Variants in NR3C2 observed in about 807,000 individuals in gnomAD.
NR3C2 encodes mineralocorticoid receptor.
Under a neutral mutation model 86.4 loss-of-function variants are expected in NR3C2, and 15 were observed. That is an observed-to-expected ratio of 0.17 (90% CI 0.12 to 0.27). The LOEUF (loss-of-function observed/expected upper bound fraction) is 0.27. NR3C2 is among the 10% of genes least tolerant of loss of function. The pLI is 1.00. For missense variants in NR3C2, 960 were observed against 1,195.6 expected (o/e 0.80, Z 2.91); for synonymous variants, 458 against 450.5 (o/e 1.02, Z -0.21).
intron 7 of NR3C2, 63 bp downstream of exon 7, chr4:148,120,095 A>G: frequency 6.2e-7 from 1 of 1,603,552 alleles, no homozygotes; most frequent in Non-Finnish European, 8.5e-7. Context: ...TAAATAGCCT[A>G]CTGCCCTATG....
chr4:148,225,916 C>A (rs1428732356), intron 3 of NR3C2, among the ~76,000 whole-genome samples: 1 of 152,054 alleles, frequency 6.6e-6, no homozygotes, highest in Non-Finnish European at 1.5e-5. Flanking sequence ...TCATAAATGT[C>A]CTATCTTTAC....
intron 2 of NR3C2, among the ~76,000 whole-genome samples, chr4:148,318,201 G>C (rs959199181): frequency 7.9e-5 from 12 of 151,368 alleles, no homozygotes; most frequent in Non-Finnish European, 2.9e-5. Flanking sequence ...CAAAGGACAT[G>C]AACTCATCAT....
intron 6 of NR3C2, among the ~76,000 whole-genome samples, chr4:148,121,988 T>C (rs558803195): frequency 1.1e-3 from 102 of 94,786 alleles, no homozygotes; most frequent in African/African-American, 3.5e-3. Flanking sequence ...GAGTCATAGA[T>C]TTGCACATGT....
chr4:148,229,113 C>G (rs940493020), intron 3 of NR3C2, among the ~76,000 whole-genome samples: 2 of 152,176 alleles, frequency 1.3e-5, no homozygotes, highest in Non-Finnish European at 2.9e-5. Flanking sequence ...GAGATTAAAG[C>G]AAATTGATAG....
chr4:148,427,334 C>A (rs1280177518), intron 2 of NR3C2, among the ~76,000 whole-genome samples: 1 of 152,046 alleles, frequency 6.6e-6, no homozygotes, highest in African/African-American at 2.4e-5. Flanking sequence ...TTTACTATTT[C>A]TACTCAAATA....
intron 5 of NR3C2, among the ~76,000 whole-genome samples, chr4:148,153,932 T>C (rs529438959): frequency 1.3e-5 from 2 of 152,312 alleles, no homozygotes; most frequent in South Asian, 4.1e-4. Context: ...CAGAATGTAT[T>C]TTACCTTATT....
At chr4:148,178,943 AAAAAC>A (rs1270346865) in intron 4 of NR3C2, among the ~76,000 whole-genome samples, 2 of 151,008 alleles carry the variant, frequency 1.3e-5, no homozygotes, top group Non-Finnish European at 3.0e-5. Context: ...AAAAAAAAAA[AAAAAC>A]AAAAAAAAAC....
chr4:148,148,931 C>T (rs1733987920), intron 6 of NR3C2, among the ~76,000 whole-genome samples: 1 of 152,114 alleles, frequency 6.6e-6, no homozygotes, highest in African/African-American at 2.4e-5. Flanking sequence ...CAAGATGAAG[C>T]ATGTATGCAT....
At position 148,274,466 on chromosome 4, in the gene NR3C2, T is replaced by C. The variant is rs922377867; in HGVS notation, c.1758-14349A>G. The stretch of plus-strand genomic sequence containing the variant: ...AGGTGTATGGATCATGGGGGTGGTG[T>C]ACCCTATGCTGTTCTGATGGTGAGT... On this transcript the variant is annotated intron_variant, in intron 2 of 8. Transcript: ENST00000358102. Among the ~76,000 whole-genome samples, 3 of 152,090 alleles carry C rather than the reference T, an allele frequency of 2.0e-5. 1 individual carries two copies. Among genetic ancestry groups the C allele is most frequent in the Non-Finnish European group, 4.4e-5 (3 of 68,008 alleles).
chr4:148,186,996 G>GTGTATATATA (rs1270300388), intron 4 of NR3C2, among the ~76,000 whole-genome samples: 4 of 27,202 alleles, frequency 1.5e-4, no homozygotes, highest in East Asian at 2.5e-3. Context: ...GTGTATGTAT[G>GTGTATATATA]TATATATATA....
intron 3 of NR3C2, among the ~76,000 whole-genome samples, chr4:148,209,384 A>G (rs2149815213): frequency 1.3e-5 from 2 of 152,288 alleles, no homozygotes; most frequent in African/African-American, 4.8e-5. Flanking sequence ...GGCTCAAGCA[A>G]TGCTGCTGCC....
intron 1 of NR3C2, among the ~76,000 whole-genome samples, chr4:148,437,891 C>A (rs930890821): frequency 3.3e-5 from 5 of 152,130 alleles, no homozygotes; most frequent in African/African-American, 9.7e-5. Context: ...CATATCCATG[C>A]GCTCTATAGA....
intron 2 of NR3C2, among the ~76,000 whole-genome samples, chr4:148,323,233 C>T (rs559136740): frequency 0.058 from 8,082 of 138,340 alleles, 393 homozygotes; most frequent in African/African-American, 0.12. Flanking sequence ...GCAGTCTGCC[C>T]GTTCTCAGAT....
Position 148,394,137 on chromosome 4 carries a change from C to G in NR3C2, c.1757+40967G>C, listed in dbSNP as rs368826135. Among the ~76,000 whole-genome samples, 75 of 152,206 alleles carry G rather than the reference C, an allele frequency of 4.9e-4. 1 individual carries two copies. In the South Asian group the frequency reaches 0.015, roughly 29 times the overall value. ...CTAGCAACTGCCCAGCACTGGGGCC[C>G]CCACCACATGAATGAGGCCATCTGA... is the stretch of plus-strand genomic sequence containing the variant. On this transcript the variant is annotated intron_variant, in intron 2 of 8. Coordinates refer to ENST00000358102, the MANE Select transcript of NR3C2 (RefSeq NM_000901.5).
At chr4:148,219,978 A>T (rs1295271734) in intron 3 of NR3C2, among the ~76,000 whole-genome samples, 1 of 152,176 alleles carries the variant, frequency 6.6e-6, no homozygotes, top group Non-Finnish European at 1.5e-5. Context: ...ACTGGAGTGC[A>T]GTGCTGCAAA....
chr4:148,207,759 T>A (rs1043365672), intron 3 of NR3C2, among the ~76,000 whole-genome samples: 2 of 152,170 alleles, frequency 1.3e-5, no homozygotes, highest in African/African-American at 4.8e-5. Context: ...AGGGACATGT[T>A]CCAAAGACCC....
Position 148,146,106 on chromosome 4 carries a change from A to T in NR3C2, c.2510+6363T>A, listed in dbSNP as rs560343997. On this transcript the variant is annotated intron_variant, in intron 6 of 8. Transcript: ENST00000358102. ...AGAAGGGGAAGTGGGCTGGGGAGAG[A>T]GAAGGAAGAACAAAAGCAGCCATTG... Among the ~76,000 whole-genome samples the T allele has an allele frequency of 2.2e-4, 34 of 152,204 alleles. 1 individual carries two copies. In the South Asian group the frequency reaches 5.6e-3, roughly 25 times the overall value.
At position 148,293,884 on chromosome 4, in the gene NR3C2, C is replaced by A. The variant is rs149405903; in HGVS notation, c.1758-33767G>T. Among the ~76,000 whole-genome samples the A allele has an allele frequency of 4.3e-3, 654 of 152,264 alleles. 1 individual carries two copies. Among genetic ancestry groups the A allele is most frequent in the African/African-American group, 0.015 (614 of 41,538 alleles). ...CCACCAGTGACCTATGCATACATGA[C>A]CACGGTTTGTTGGGTGCCTATAATT... On this transcript the variant is annotated intron_variant, in intron 2 of 8. Coordinates refer to ENST00000358102, the MANE Select transcript of NR3C2 (RefSeq NM_000901.5).
At chr4:148,381,504 T>C (rs1345750297) in intron 2 of NR3C2, among the ~76,000 whole-genome samples, 1 of 152,204 alleles carries the variant, frequency 6.6e-6, no homozygotes. Context: ...CATTTCATTA[T>C]TAATTTAGAT....
Sources: allele counts gnomAD v4.1 joint callset (sites outside exome capture counted in the v4.1 genomes callset), GRCh38; gene constraint gnomAD v4.1.1; transcripts MANE v1.5; gene names NCBI Gene and HGNC (gene_info 2026-07-23, HGNC 2026-07-21).